The following RGS20 variants were observed in gnomAD, a reference collection of about 807,000 sequenced individuals.
RGS20 encodes the protein regulator of G protein signaling 20, also known as gz-selective GTPase-activating protein.
Under a neutral mutation model 33.6 loss-of-function variants are expected in RGS20, and 30 were observed. That is an observed-to-expected ratio of 0.89 (90% confidence interval 0.67 to 1.21). The LOEUF (loss-of-function observed/expected upper bound fraction) is 1.21. Among genes scored for constraint, RGS20 ranks in the 50% most tolerant of loss-of-function variants. The probability of loss-of-function intolerance (pLI) is 0.00; values close to 1 mark genes in which losing one functional copy is unlikely to be tolerated. For missense variants in RGS20, 472 were observed against 502.4 expected, an observed-to-expected ratio of 0.94 and a Z score of 0.58; for synonymous variants, 208 against 197.9, an observed-to-expected ratio of 1.05 and a Z score of -0.43.
intron 1 of RGS20, among the ~76,000 whole-genome samples, chr8:53,866,786 A>C (rs1811929124): frequency 2.0e-5 from 3 of 152,090 alleles, no homozygotes; most frequent in Non-Finnish European, 4.4e-5. Context: ...TAAGGAGGCC[A>C]CTATAATTTA....
intron 2 of RGS20, among the ~76,000 whole-genome samples, chr8:53,893,618 C>G (rs1812775667): frequency 6.6e-6 from 1 of 152,188 alleles, no homozygotes; most frequent in African/African-American, 2.4e-5. Context: ...AGATTTAAGT[C>G]AAAGCATAAG....
At chr8:53,897,525 T>C (rs767473848) in intron 2 of RGS20, among the ~76,000 whole-genome samples, 20 of 152,236 alleles carry the variant, frequency 1.3e-4, no homozygotes, top group Non-Finnish European at 2.2e-4. Context: ...CTTTATAATA[T>C]CCATATAGTA....
chr8:53,868,561 T>G (rs1811973253), intron 1 of RGS20, among the ~76,000 whole-genome samples: 1 of 151,858 alleles, frequency 6.6e-6, no homozygotes, highest in South Asian at 2.1e-4. Flanking sequence ...TACCTCAGGG[T>G]AAAAAAAAGT....
intron 2 of RGS20, among the ~76,000 whole-genome samples, chr8:53,926,948 ATTAG>A (rs1813819518): frequency 6.6e-6 from 1 of 152,150 alleles, no homozygotes; most frequent in Non-Finnish European, 1.5e-5. Flanking sequence ...CTCTGAGATA[ATTAG>A]TTAGGTTAAA....
At chr8:53,856,541 A>G (rs1290773217) in intron 1 of RGS20, among the ~76,000 whole-genome samples, 4 of 151,984 alleles carry the variant, frequency 2.6e-5, no homozygotes, top group African/African-American at 7.2e-5. Flanking sequence ...TTTTTCTTCC[A>G]TCAGGATTTT....
intron 3 of RGS20, among the ~76,000 whole-genome samples, chr8:53,941,129 A>G (rs1460675367): frequency 6.6e-6 from 1 of 152,206 alleles, no homozygotes; most frequent in Non-Finnish European, 1.5e-5. Context: ...GGGATAGTGT[A>G]AGGCTAGAGG....
intron 1 of RGS20, among the ~76,000 whole-genome samples, chr8:53,868,436 C>T (rs776291348): frequency 2.6e-5 from 4 of 152,156 alleles, no homozygotes; most frequent in Non-Finnish European, 5.9e-5. Context: ...ACTACTTACT[C>T]ACGCTAACAG....
chr8:53,870,229 C>T (rs1812031720), intron 1 of RGS20, among the ~76,000 whole-genome samples: 1 of 152,160 alleles, frequency 6.6e-6, no homozygotes, highest in East Asian at 1.9e-4. Flanking sequence ...TGCATCCTTA[C>T]AGAGATAGTC....
At chr8:53,940,442 C>G (rs1313732816) in intron 3 of RGS20, among the ~76,000 whole-genome samples, 3 of 152,188 alleles carry the variant, frequency 2.0e-5, no homozygotes, top group African/African-American at 7.2e-5. Flanking sequence ...TTTCAGCAAT[C>G]AAATCATCCT....
intron 2 of RGS20, 85 bp from the exon 2 acceptor site, chr8:53,939,491 T>C (rs1814224623): frequency 8.2e-6 from 11 of 1,343,224 alleles, no homozygotes; most frequent in Non-Finnish European, 1.1e-5. Context: ...ATCTTTTCAA[T>C]GATCCAAACA....
At position 53,958,600 on chromosome 8, in the gene RGS20, C is replaced by T. The variant is rs530190865; in HGVS notation, c.*142C>T. Reference sequence around the variant, plus strand: ...AATAACAGATGATTCCTTCAACAGACTGCTATATATTCACCATGTAAACTG... The same window carrying T: ...AATAACAGATGATTCCTTCAACAGATTGCTATATATTCACCATGTAAACTG... On this transcript the variant is annotated 3_prime_UTR_variant, in exon 6 of 6. Transcript: ENST00000297313. The T allele has an allele frequency of 7.4e-6, 3 of 403,172 alleles. No individual in the cohort carries two copies. Among genetic ancestry groups the T allele is most frequent in the Admixed American group, 8.6e-5 (2 of 23,264 alleles). 25.0% of individuals were successfully genotyped at this position (403,172 alleles called of 1,614,324 possible). A position where few individuals can be genotyped will look rare whatever the true frequency, so the allele number is the denominator to read the frequency against.
chr8:53,920,736 C>T (rs1813618296), intron 2 of RGS20, among the ~76,000 whole-genome samples: 1 of 152,054 alleles, frequency 6.6e-6, no homozygotes, highest in Admixed American at 6.6e-5. Context: ...TATTATTTAT[C>T]ATGAAATGCA....
At chr8:53,873,349 G>A (rs1228363252) in intron 1 of RGS20, among the ~76,000 whole-genome samples, 2 of 152,118 alleles carry the variant, frequency 1.3e-5, no homozygotes, top group African/African-American at 4.8e-5. Flanking sequence ...CCTGATACAC[G>A]TCTCAAACAG....
intron 2 of RGS20, among the ~76,000 whole-genome samples, chr8:53,909,209 G>GTATATATATATA (rs1178436696): frequency 4.6e-5 from 2 of 43,722 alleles, no homozygotes; most frequent in South Asian, 1.1e-3. Flanking sequence ...TGGTATGTGT[G>GTATATATATATA]TATATATATA....
At chr8:53,950,191 AT>A (rs1277236388) in intron 4 of RGS20, among the ~76,000 whole-genome samples, 1 of 152,218 alleles carries the variant, frequency 6.6e-6, no homozygotes, top group African/African-American at 2.4e-5. Context: ...AAGAAATAAA[AT>A]AGAAGTTTTA....
chr8:53,893,700 A>G (rs1173219540), intron 2 of RGS20, among the ~76,000 whole-genome samples: 1 of 152,196 alleles, frequency 6.6e-6, no homozygotes, highest in Non-Finnish European at 1.5e-5. Context: ...TTTGCCAAAC[A>G]CATAAGTTGC....
chr8:53,939,574 A>C lies in RGS20; in HGVS notation c.511-2A>C. ...CCCGCTTTGTTCCTCTCCCTCTTGC[A>C]GCAGATGGGATCAGAGCGGATGGAG... On this transcript the variant is annotated splice_acceptor_variant, in intron 2 of 5. Transcript: ENST00000297313. LOFTEE classifies it high-confidence loss of function. 1.9e-6 allele frequency: 3 copies of C among 1,552,036 alleles called. No individual in the cohort carries two copies. Among genetic ancestry groups the C allele is most frequent in the Non-Finnish European group, 1.7e-6 (2 of 1,147,162 alleles).
intron 4 of RGS20, among the ~76,000 whole-genome samples, chr8:53,947,858 C>CTATATATAGGATATAGGATATAT (rs1563430763): frequency 1.5e-5 from 2 of 133,390 alleles, no homozygotes; most frequent in African/African-American, 5.5e-5. Flanking sequence ...ATAGTATATA[C>CTATATATAGGATATAGGATATAT]ATTTATATAT....
intron 2 of RGS20, among the ~76,000 whole-genome samples, chr8:53,905,618 C>T (rs184003275): frequency 1.1e-3 from 166 of 152,206 alleles, no homozygotes; most frequent in African/African-American, 3.8e-3. Flanking sequence ...AGTAACAGGG[C>T]CTGTTTGTGA....
Sources: allele counts gnomAD v4.1 joint callset (sites outside exome capture counted in the v4.1 genomes callset), GRCh38; gene constraint gnomAD v4.1.1; transcripts MANE v1.5; gene names NCBI Gene and HGNC (gene_info 2026-07-23, HGNC 2026-07-21).